NFIB: variants seen among roughly 807,000 people sequenced by gnomAD.
NFIB encodes nuclear factor 1 B-type.
NFIB carries 11 observed loss-of-function variants against 61.5 expected under a neutral mutation model. The observed-to-expected ratio is 0.18, with a 90% CI of 0.11 to 0.30. The LOEUF (loss-of-function observed/expected upper bound fraction) is 0.30, where lower values mean the gene tolerates loss of function less well. Among genes scored for constraint, NFIB ranks in the 10% least tolerant of loss-of-function variants. NFIB has a pLI of 1.00. For synonymous variants in NFIB, 260 were observed against 216.5 expected (o/e 1.20, Z -1.76); for missense variants, 471 against 608.9 (o/e 0.77, Z 2.38).
At chr9:14,400,382 C>G (rs1012420170), upstream of NFIB, among the ~76,000 whole-genome samples, 1 of 152,086 alleles carries the variant, frequency 6.6e-6, no homozygotes, top group Admixed American at 6.6e-5. Context: ...AGGCTGACAC[C>G]AAGGAGATGA....
the NFIB span, among the ~76,000 whole-genome samples, chr9:14,480,245 C>T: frequency 6.6e-6 from 1 of 152,078 alleles, no homozygotes; most frequent in Admixed American, 6.5e-5. Context: ...TTGACCAGGT[C>T]ATAGGGCAAT....
At chr9:14,184,442 A>G (rs2047124412) in intron 2 of NFIB, among the ~76,000 whole-genome samples, 1 of 152,212 alleles carries the variant, frequency 6.6e-6, no homozygotes, top group Non-Finnish European at 1.5e-5. Context: ...AGCAATTATT[A>G]GTATCACTGA....
intron 2 of NFIB, among the ~76,000 whole-genome samples, chr9:14,298,608 A>G (rs984750540): frequency 6.6e-6 from 1 of 152,186 alleles, no homozygotes; most frequent in African/African-American, 2.4e-5. Context: ...TTCTACAGCC[A>G]GACCATGTCA....
intron 2 of NFIB, among the ~76,000 whole-genome samples, chr9:14,235,554 A>G (rs1024858878): frequency 1.3e-5 from 2 of 152,220 alleles, no homozygotes; most frequent in African/African-American, 4.8e-5. Flanking sequence ...TTATTTGGTT[A>G]TATGTCACTT....
upstream of NFIB, among the ~76,000 whole-genome samples, chr9:14,314,909 T>C (rs1391122525): frequency 2.0e-5 from 3 of 151,720 alleles, no homozygotes; most frequent in Non-Finnish European, 2.9e-5. Context: ...TGCGGACTCT[T>C]TTAAGCCGCG....
chr9:14,501,313 C>G, the NFIB span, among the ~76,000 whole-genome samples: 1 of 152,190 alleles, frequency 6.6e-6, no homozygotes, highest in African/African-American at 2.4e-5. Flanking sequence ...TCTGGTTGCT[C>G]ATAAAATAGA....
intron 4 of NFIB, among the ~76,000 whole-genome samples, chr9:14,154,591 G>T (rs1221474057): frequency 6.6e-6 from 1 of 151,994 alleles, no homozygotes; most frequent in African/African-American, 2.4e-5. Flanking sequence ...ACACACCCTG[G>T]GGCTACCAGA....
intron 2 of NFIB, among the ~76,000 whole-genome samples, chr9:14,260,563 A>G (rs529200179): frequency 2.6e-5 from 4 of 152,248 alleles, no homozygotes; most frequent in East Asian, 3.9e-4. Flanking sequence ...TCCCTCCTCT[A>G]CGGTTTTGAT....
At chr9:14,180,033 T>G (rs906387034) in intron 2 of NFIB, among the ~76,000 whole-genome samples, 1 of 152,204 alleles carries the variant, frequency 6.6e-6, no homozygotes, top group African/African-American at 2.4e-5. Context: ...AAGGTTTTTT[T>G]GAAACAAAAG....
chr9:14,217,387 G>A (rs147037542), intron 2 of NFIB, among the ~76,000 whole-genome samples: 5,115 of 152,146 alleles, frequency 0.034, 278 homozygotes, highest in African/African-American at 0.12. Context: ...TAGGCTGGGC[G>A]CGGTGGCTCA....
At chr9:14,403,586 C>T (rs116853235), upstream of NFIB, among the ~76,000 whole-genome samples, 3,565 of 148,496 alleles carry the variant, frequency 0.024, 63 homozygotes, top group Middle Eastern at 0.078. Context: ...GAACATATAA[C>T]TTTTTAACCT....
intron 2 of NFIB, among the ~76,000 whole-genome samples, chr9:14,254,302 A>AAAAAC (rs376272253): frequency 1.5e-3 from 221 of 148,854 alleles, no homozygotes; most frequent in Admixed American, 5.4e-3. Context: ...CTGTCTCAAA[A>AAAAAC]AAAACAAAAC....
At position 14,083,461 on chromosome 9, in the gene NFIB, C is replaced by G. The variant is rs557177464; in HGVS notation, c.*4848G>C. The G allele has an allele frequency of 5.7e-6, 1 of 176,154 alleles. No homozygotes were observed. Among genetic ancestry groups the G allele is most frequent in the East Asian group, 8.5e-5 (1 of 11,830 alleles). The allele number at this position is 176,154 out of a possible 1,614,324, so 10.9% of individuals were successfully genotyped here. A position where few individuals can be genotyped will look rare whatever the true frequency, so the allele number is the denominator to read the frequency against. ...TCATTTTTGAGCTTTTACTATTGAA[C>G]TTGAATAGCCTGCACATTAAAAAAA... On this transcript the variant is annotated 3_prime_UTR_variant, in exon 11 of 11. Coordinates refer to ENST00000380953, the MANE Select transcript of NFIB (RefSeq NM_001190737.2).
intron 1 of NFIB, among the ~76,000 whole-genome samples, chr9:14,383,211 A>G (rs2061508212): frequency 6.6e-6 from 1 of 152,220 alleles, no homozygotes; most frequent in Non-Finnish European, 1.5e-5. Context: ...GTGAAGTTTA[A>G]CTGCTTAGTT....
chr9:14,460,356 C>A, the NFIB span, among the ~76,000 whole-genome samples: 1 of 141,628 alleles, frequency 7.1e-6, no homozygotes. Flanking sequence ...CATCACAACC[C>A]GGGGCCTGTT....
chr9:14,197,519 T>C (rs966476142), intron 2 of NFIB, among the ~76,000 whole-genome samples: 8 of 152,256 alleles, frequency 5.3e-5, no homozygotes, highest in Non-Finnish European at 1.0e-4. Flanking sequence ...TAGGGTACAA[T>C]TGCCTTGTGG....
chr9:14,408,409 C>T, the NFIB span, among the ~76,000 whole-genome samples: 5 of 152,064 alleles, frequency 3.3e-5, no homozygotes, highest in Admixed American at 3.3e-4. Flanking sequence ...TCCATTATCC[C>T]TAGGGTATGA....
At chr9:14,392,366 G>A (rs2061633701) in intron 1 of NFIB, among the ~76,000 whole-genome samples, 3 of 152,218 alleles carry the variant, frequency 2.0e-5, no homozygotes, top group African/African-American at 4.8e-5. Flanking sequence ...ACAACAGAGT[G>A]GAGGGTATAC....
At chr9:14,359,326 A>G (rs1485475880) in intron 1 of NFIB, among the ~76,000 whole-genome samples, 1 of 152,228 alleles carries the variant, frequency 6.6e-6, no homozygotes, top group Admixed American at 6.5e-5. Context: ...GGCTCTATAT[A>G]CAATCATGTG....
Sources: allele counts gnomAD v4.1 joint callset (sites outside exome capture counted in the v4.1 genomes callset), GRCh38; gene constraint gnomAD v4.1.1; transcripts MANE v1.5; gene names NCBI Gene and HGNC (gene_info 2026-07-23, HGNC 2026-07-21).